GIGYF2: variants seen among roughly 807,000 people sequenced by gnomAD.
GIGYF2 encodes GRB10 interacting GYF protein 2.
GIGYF2 carries 25 observed loss-of-function variants against 208.1 expected under a neutral mutation model. The ratio of observed to expected loss-of-function variants is 0.12; its 90% CI spans 0.09 to 0.17. GIGYF2 has a LOEUF of 0.17. Among genes scored for constraint, GIGYF2 ranks in the 10% least tolerant of loss-of-function variants. The probability of loss-of-function intolerance (pLI) is 1.00; values close to 1 mark genes in which losing one functional copy is unlikely to be tolerated. For synonymous variants in GIGYF2, 534 were observed against 543.8 expected, an observed-to-expected ratio of 0.98 and a Z score of 0.25; for missense variants, 1,302 against 1,579.4, an observed-to-expected ratio of 0.82 and a Z score of 2.98.
intron 3 of GIGYF2, among the ~76,000 whole-genome samples, chr2:232,736,983 T>G (rs554680283): frequency 6.6e-6 from 1 of 152,234 alleles, no homozygotes; most frequent in Non-Finnish European, 1.5e-5. Flanking sequence ...ATGCCTAATA[T>G]TATGGGTTGG....
chr2:232,821,852 T>TACAACCC (rs1701090150), intron 21 of GIGYF2, among the ~76,000 whole-genome samples: 1 of 152,022 alleles, frequency 6.6e-6, no homozygotes, highest in African/African-American at 2.4e-5. Context: ...TGATATGAGG[T>TACAACCC]ATGGGTTGTT....
chr2:232,697,645 G>T (rs949416193), intron 1 of GIGYF2, among the ~76,000 whole-genome samples: 2 of 152,252 alleles, frequency 1.3e-5, no homozygotes, highest in Admixed American at 6.5e-5. Flanking sequence ...GGCGCGTCAC[G>T]GCCGCGAGGA....
intron 3 of GIGYF2, among the ~76,000 whole-genome samples, chr2:232,740,439 TTAAGG>T (rs1697929950): frequency 6.6e-6 from 1 of 152,220 alleles, no homozygotes; most frequent in Non-Finnish European, 1.5e-5. Context: ...CTCCTTGGTC[TTAAGG>T]AAGTTTTCCC....
At chr2:232,808,473 A>G (rs1700626534) in intron 15 of GIGYF2, among the ~76,000 whole-genome samples, 1 of 152,154 alleles carries the variant, frequency 6.6e-6, no homozygotes, top group Non-Finnish European at 1.5e-5. Context: ...AATATTGTTG[A>G]TAAGAAGAGA....
intron 8 of GIGYF2, chr2:232,776,488 A>T (rs1175306862): frequency 6.6e-7 from 1 of 1,520,720 alleles, no homozygotes; most frequent in Non-Finnish European, 9.1e-7. Flanking sequence ...GTAGGTCTTA[A>T]GGAAATTTAC....
chr2:232,843,312 C>T (rs559025879), intron 23 of GIGYF2, among the ~76,000 whole-genome samples: 1 of 152,112 alleles, frequency 6.6e-6, no homozygotes, highest in African/African-American at 2.4e-5. Context: ...GTAATCCTAG[C>T]ACTTTGGGAG....
intron 8 of GIGYF2, among the ~76,000 whole-genome samples, chr2:232,762,319 C>T (rs1242657479): frequency 2.1e-5 from 3 of 144,726 alleles, no homozygotes; most frequent in South Asian, 4.4e-4. Context: ...ATGGTGTGGT[C>T]TCGGCTCACT....
At chr2:232,735,747 T>G in intron 3 of GIGYF2, 1 of 985,708 alleles carries the variant, frequency 1.0e-6, no homozygotes. Context: ...TTAATTGACC[T>G]TTGAGTCTCT....
chr2:232,709,722 TC>T (rs1271534950), intron 2 of GIGYF2, among the ~76,000 whole-genome samples: 1 of 151,478 alleles, frequency 6.6e-6, no homozygotes, highest in African/African-American at 2.4e-5. Context: ...GGCAGGAGAA[TC>T]CCTTGAACCC....
Position 232,714,728 on chromosome 2 carries a change from T to C in GIGYF2, c.-44+11239T>C, listed in dbSNP as rs185832079. 3.1e-3 allele frequency among the ~76,000 whole-genome samples: 465 copies of C among 152,344 alleles called. 1 individual carries two copies. Among genetic ancestry groups the C allele is most frequent in the African/African-American group, 0.011 (448 of 41,594 alleles). On this transcript the variant is annotated intron_variant, in intron 2 of 28. Transcript: ENST00000373563. ...CCACTGTTCTGTTTTCTGTGACTTA[T>C]TGATTAATATTTGCGTCTTCTAGAA...
chr2:232,824,613 G>T (rs959631400), intron 21 of GIGYF2, among the ~76,000 whole-genome samples: 1 of 152,230 alleles, frequency 6.6e-6, no homozygotes, highest in African/African-American at 2.4e-5. Flanking sequence ...TTTAAGGAAA[G>T]AAGCCATTTC....
intron 2 of GIGYF2, among the ~76,000 whole-genome samples, chr2:232,728,396 T>C (rs914221577): frequency 6.6e-6 from 1 of 152,194 alleles, no homozygotes; most frequent in Non-Finnish European, 1.5e-5. Context: ...TTTGTTAGAA[T>C]AATCCAGACA....
At chr2:232,735,420 C>CCTG in intron 3 of GIGYF2, 182 bp downstream of exon 3, 1 of 517,532 alleles carries the variant, frequency 1.9e-6, no homozygotes, top group Non-Finnish European at 3.4e-6. Flanking sequence ...GTATTCTATA[C>CCTG]TTAATTAAAA....
At chr2:232,745,017 TATTA>T (rs1395493574) in intron 3 of GIGYF2, among the ~76,000 whole-genome samples, 1 of 152,218 alleles carries the variant, frequency 6.6e-6, no homozygotes. Context: ...GTTCAGTGGA[TATTA>T]ATTCCACTTC....
chr2:232,805,872 C>G (rs1168511655), intron 14 of GIGYF2, among the ~76,000 whole-genome samples: 2 of 152,116 alleles, frequency 1.3e-5, no homozygotes, highest in Non-Finnish European at 2.9e-5. Context: ...TGCCATATCC[C>G]TACTGTCTAT....
chr2:232,850,820 A>C (rs1690283702), intron 28 of GIGYF2, among the ~76,000 whole-genome samples: 1 of 152,222 alleles, frequency 6.6e-6, no homozygotes, highest in African/African-American at 2.4e-5. Flanking sequence ...GAGAACCAGT[A>C]TATGTTCATA....
intron 3 of GIGYF2, chr2:232,735,861 G>A (rs554699181): frequency 1.0e-6 from 1 of 984,932 alleles, no homozygotes; most frequent in African/African-American, 1.7e-5. Flanking sequence ...TTTCCCCAAA[G>A]TTGGTGATTG....
intron 2 of GIGYF2, among the ~76,000 whole-genome samples, chr2:232,713,848 A>C (rs1156441223): frequency 6.6e-6 from 1 of 152,156 alleles, no homozygotes; most frequent in Non-Finnish European, 1.5e-5. Flanking sequence ...ATATGTCAGC[A>C]TGATTTATCA....
chr2:232,796,625 G>A (rs1700230814), intron 14 of GIGYF2, among the ~76,000 whole-genome samples: 1 of 152,188 alleles, frequency 6.6e-6, no homozygotes, highest in Non-Finnish European at 1.5e-5. Flanking sequence ...TTGGGAAGCC[G>A]AGGTGGGCGA....
Sources: allele counts gnomAD v4.1 joint callset (sites outside exome capture counted in the v4.1 genomes callset), GRCh38; gene constraint gnomAD v4.1.1; transcripts MANE v1.5; gene names NCBI Gene and HGNC (gene_info 2026-07-23, HGNC 2026-07-21).